Variants in MTUS2 observed in about 807,000 individuals in gnomAD.
MTUS2 encodes microtubule associated scaffold protein 2.
In MTUS2, 40 loss-of-function variants were observed where a neutral mutation model predicts 114.1. The observed-to-expected ratio is 0.35, with a 90% confidence interval of 0.27 to 0.46. MTUS2 has a LOEUF of 0.46. MTUS2 is among the 20% of genes least tolerant of loss of function. The probability of loss-of-function intolerance (pLI) is 1.00; values close to 1 mark genes in which losing one functional copy is unlikely to be tolerated. For missense variants in MTUS2, 1,679 were observed against 1,705.4 expected, an observed-to-expected ratio of 0.98 and a Z score of 0.27; for synonymous variants, 688 against 672.0, an observed-to-expected ratio of 1.02 and a Z score of -0.37.
intron 9 of MTUS2, among the ~76,000 whole-genome samples, chr13:29,466,449 G>A (rs1372610538): frequency 6.6e-6 from 1 of 152,210 alleles, no homozygotes; most frequent in South Asian, 2.1e-4. Context: ...GTATTTGGTT[G>A]TAATCAGGAG....
intron 6 of MTUS2, among the ~76,000 whole-genome samples, chr13:29,316,470 T>C (rs892419956): frequency 2.6e-5 from 4 of 152,162 alleles, no homozygotes; most frequent in African/African-American, 9.7e-5. Flanking sequence ...TCCTGGTCTC[T>C]TAGTCACCGC....
chr13:29,146,599 G>A (rs753688552), intron 5 of MTUS2, among the ~76,000 whole-genome samples: 1 of 152,080 alleles, frequency 6.6e-6, no homozygotes, highest in Non-Finnish European at 1.5e-5. Flanking sequence ...TTAATATTTG[G>A]TAAACATGCC....
At chr13:28,959,314 G>A (rs761169158) in intron 2 of MTUS2, among the ~76,000 whole-genome samples, 36 of 152,270 alleles carry the variant, frequency 2.4e-4, no homozygotes, top group Non-Finnish European at 3.5e-4. Context: ...CATCTTCTGA[G>A]ATTGTAATGA....
chr13:29,469,176 A>T (rs371798510), intron 9 of MTUS2, among the ~76,000 whole-genome samples: 10 of 152,110 alleles, frequency 6.6e-5, no homozygotes, highest in African/African-American at 2.4e-4. Context: ...CCTGGGCCAG[A>T]GGCTCCTGCC....
rs557278053 is a variant in MTUS2 at position 28,966,352 on chromosome 13, C to A, written c.-242-58105C>A. ...AAGATATTCAGTTTATTTGCACATT[C>A]TTTGCTTTGGAAATACTTAGATTTT... On this transcript the variant is annotated intron_variant, in intron 2 of 15. Coordinates refer to ENST00000612955, the MANE Select transcript of MTUS2 (RefSeq NM_001033602.4). 7.9e-5 allele frequency among the ~76,000 whole-genome samples: 12 copies of A among 152,240 alleles called. 1 individual carries two copies. In the South Asian group the frequency reaches 2.5e-3, roughly 32 times the overall value.
intron 8 of MTUS2, among the ~76,000 whole-genome samples, chr13:29,416,443 CAT>C: frequency 6.6e-6 from 1 of 150,692 alleles, no homozygotes. Context: ...ATATGTAGCA[CAT>C]ATATATAGCA....
intron 5 of MTUS2, among the ~76,000 whole-genome samples, chr13:29,175,425 A>T (rs1893732287): frequency 6.6e-6 from 1 of 152,234 alleles, no homozygotes; most frequent in African/African-American, 2.4e-5. Flanking sequence ...AGAGAAAAAA[A>T]TAACAATACT....
rs58143232 is a variant in MTUS2, at chr13:29,447,119, T to TAA, written c.3184+7078_3184+7079dup. On this transcript the variant is annotated intron_variant, in intron 9 of 15. Coordinates refer to ENST00000612955, the MANE Select transcript of MTUS2 (RefSeq NM_001033602.4). ...TAAGTATAATGCAAATATTCCAAAA[T>TAA]AAAAAAAAATCAGAAATGTGAAATG... 9.2e-4 allele frequency among the ~76,000 whole-genome samples: 140 copies of TAA among 151,576 alleles called. 7 individuals carry two copies. The South Asian group carries it at 0.026, about 28-fold the overall frequency.
At chr13:29,358,386 C>G (rs928669611) in intron 7 of MTUS2, among the ~76,000 whole-genome samples, 21 of 152,200 alleles carry the variant, frequency 1.4e-4, no homozygotes, top group Admixed American at 3.9e-4. Flanking sequence ...TGTCCTCAAC[C>G]CCAGGCAGAG....
intron 2 of MTUS2, among the ~76,000 whole-genome samples, chr13:28,948,762 A>C (rs562243969): frequency 6.6e-6 from 1 of 152,200 alleles, no homozygotes; most frequent in Admixed American, 6.5e-5. Context: ...GCAGGGGAAC[A>C]GGGGTGGGGA....
At chr13:29,419,211 A>G (rs1013824434) in intron 8 of MTUS2, among the ~76,000 whole-genome samples, 1 of 152,104 alleles carries the variant, frequency 6.6e-6, no homozygotes, top group African/African-American at 2.4e-5. Flanking sequence ...ATCTTTAGGC[A>G]CCTGCTGGGA....
At chr13:29,351,762 C>T (rs1323890629) in intron 7 of MTUS2, among the ~76,000 whole-genome samples, 1 of 142,836 alleles carries the variant, frequency 7.0e-6, no homozygotes, top group Non-Finnish European at 1.5e-5. Context: ...ACCACCATAC[C>T]TGGCTAATTT....
At chr13:29,093,350 G>A (rs1890046657) in intron 4 of MTUS2, among the ~76,000 whole-genome samples, 2 of 152,088 alleles carry the variant, frequency 1.3e-5, no homozygotes, top group African/African-American at 2.4e-5. Context: ...GGCTGAGGTA[G>A]GAGAATCACT....
intron 9 of MTUS2, among the ~76,000 whole-genome samples, chr13:29,452,574 A>ATATGTGTG (rs1443231559): frequency 3.8e-5 from 5 of 130,314 alleles, no homozygotes; most frequent in African/African-American, 1.5e-4. Context: ...ATATATATAT[A>ATATGTGTG]TGTGTGTGTG....
rs1310286388 is a variant in MTUS2 at position 29,403,722 on chromosome 13, C to A, written c.3118-36261C>A. ...GGTTCTTGCTGAGTCTTCAGTATAC[C>A]AGTTTCAGCCTGGAGCTAGACCATC... On this transcript the variant is annotated intron_variant, in intron 8 of 15. Coordinates refer to ENST00000612955, the MANE Select transcript of MTUS2 (RefSeq NM_001033602.4). 2.0e-5 allele frequency among the ~76,000 whole-genome samples: 3 copies of A among 152,290 alleles called. No individual in the cohort carries two copies. The South Asian group carries it at 6.2e-4, about 32-fold the overall frequency.
At chr13:29,019,154 G>C (rs556473918) in intron 2 of MTUS2, among the ~76,000 whole-genome samples, 1 of 151,968 alleles carries the variant, frequency 6.6e-6, no homozygotes, top group Non-Finnish European at 1.5e-5. Flanking sequence ...ACATTTCAGC[G>C]TCATGATTGA....
chr13:29,216,938 C>T (rs556048673), intron 5 of MTUS2, among the ~76,000 whole-genome samples: 3 of 152,116 alleles, frequency 2.0e-5, no homozygotes, highest in African/African-American at 7.2e-5. Flanking sequence ...TTGATAGTGC[C>T]CATCCTAGTG....
chr13:29,195,849 A>G (rs1224303122), intron 5 of MTUS2, among the ~76,000 whole-genome samples: 1 of 152,166 alleles, frequency 6.6e-6, no homozygotes, highest in Non-Finnish European at 1.5e-5. Context: ...GCAGTAAATG[A>G]TTTGGGGAAA....
intron 6 of MTUS2, among the ~76,000 whole-genome samples, chr13:29,305,659 T>TA (rs1355740220): frequency 6.6e-6 from 1 of 151,972 alleles, no homozygotes; most frequent in East Asian, 1.9e-4. Context: ...CCTACCAACC[T>TA]AAAAAAACCC....
Sources: gnomAD v4.1 joint callset for allele counts (sites outside exome capture counted in the v4.1 genomes callset) on GRCh38, gnomAD v4.1.1 for gene constraint, MANE v1.5 for transcripts, NCBI Gene and HGNC (gene_info 2026-07-23, HGNC 2026-07-21) for gene names.